Variants in ZNF469 observed in about 807,000 individuals in gnomAD.
ZNF469 encodes the protein zinc finger protein 469.
In ZNF469, 1 loss-of-function variant was observed where a neutral mutation model predicts 1.0. That is an observed-to-expected ratio of 1.00 (90% CI 0.35 to 4.73). The LOEUF (loss-of-function observed/expected upper bound fraction) is 4.73, where lower values mean the gene tolerates loss of function less well. Among genes scored for constraint, ZNF469 ranks in the 30% most tolerant of loss-of-function variants. ZNF469 has a pLI of 0.16. For synonymous variants in ZNF469, 2,703 were observed against 2,363.4 expected (o/e 1.14, Z -4.17); for missense variants, 6,100 against 5,356.3 (o/e 1.14, Z -4.33).
chr16:88,279,235 G>T, the ZNF469 span, among the ~76,000 whole-genome samples: 2 of 123,400 alleles, frequency 1.6e-5, no homozygotes, highest in African/African-American at 6.3e-5. Context: ...ATCACTGCAC[G>T]GTTAGTGCTG....
Position 88,434,201 on chromosome 16 carries a change from C to T in ZNF469, c.6731C>T (p.Thr2244Ile). 1 of 1,550,372 alleles carries T rather than the reference C, an allele frequency of 6.5e-7. No homozygotes were observed. Among genetic ancestry groups the T allele is most frequent in the Non-Finnish European group, 8.7e-7 (1 of 1,146,978 alleles). ...GTAACCTGCACTCACAGTGGGGACACCCCCAAAGACAGCACTTTAAGAATT... is the reference window on the plus strand; with the variant it reads ...GTAACCTGCACTCACAGTGGGGACATCCCCAAAGACAGCACTTTAAGAATT... The part of the protein sequence containing the change: ...SAVTCTHSGD[T>I]PKDSTLRIPE... Residue 2244 changes from threonine (T) to isoleucine (I), a missense_variant, in exon 3 of 3, where the codon ACC becomes ATC. Thr to Ile is a moderately conservative substitution (Grantham distance 89). Transcript: ENST00000565624.
chr16:88,280,665 C>G, the ZNF469 span, among the ~76,000 whole-genome samples: 1 of 151,716 alleles, frequency 6.6e-6, no homozygotes, highest in Admixed American at 6.6e-5. Context: ...TTGTGCCACA[C>G]TCAAACTTGG....
At chr16:88,221,891 C>T in the ZNF469 span, among the ~76,000 whole-genome samples, 1 of 152,174 alleles carries the variant, frequency 6.6e-6, no homozygotes, top group East Asian at 1.9e-4. Context: ...TCTAAGAACA[C>T]TTGTCATTGA....
chr16:88,170,851 C>T, the ZNF469 span, among the ~76,000 whole-genome samples: 6 of 152,240 alleles, frequency 3.9e-5, no homozygotes, highest in East Asian at 1.9e-4. This position sits in a 1 kb window ranked among gnomAD's most constrained non-coding sequence, Gnocchi z 4.2. Context: ...CTTTCCTCCC[C>T]GGAAGCTAAC....
the ZNF469 span, among the ~76,000 whole-genome samples, chr16:88,341,221 G>T: frequency 6.6e-6 from 1 of 152,182 alleles, no homozygotes; most frequent in Admixed American, 6.5e-5. Flanking sequence ...CCAGGTCTTG[G>T]GGTGTCCCTG....
At chr16:88,331,638 CCAT>C in the ZNF469 span, among the ~76,000 whole-genome samples, 2 of 150,674 alleles carry the variant, frequency 1.3e-5, no homozygotes, top group African/African-American at 2.4e-5. Flanking sequence ...GTTACCACCG[CCAT>C]CATCATCACC....
At chr16:88,251,575 T>TTTTTTTTTTTTTTTG in the ZNF469 span, among the ~76,000 whole-genome samples, 1 of 112,650 alleles carries the variant, frequency 8.9e-6, no homozygotes, top group African/African-American at 3.4e-5. Context: ...TTTTTTTTTT[T>TTTTTTTTTTTTTTTG]TGAGATGGAG....
chr16:88,310,496 C>T, the ZNF469 span, among the ~76,000 whole-genome samples: 1 of 152,158 alleles, frequency 6.6e-6, no homozygotes, highest in African/African-American at 2.4e-5. Context: ...AGCTGCACTT[C>T]CCCCTTTGTT....
chr16:88,243,958 A>T, the ZNF469 span, among the ~76,000 whole-genome samples: 1 of 121,802 alleles, frequency 8.2e-6, no homozygotes, highest in Non-Finnish European at 1.7e-5. Context: ...ATATAAATGT[A>T]TGTGTGGATG....
At chr16:88,172,326 G>A in the ZNF469 span, among the ~76,000 whole-genome samples, 1 of 152,152 alleles carries the variant, frequency 6.6e-6, no homozygotes, top group Admixed American at 6.5e-5. Context: ...ACAGGGTGGG[G>A]GACGGTTTGT....
At chr16:88,422,219 G>A (rs1206303113) in intron 1 of ZNF469, among the ~76,000 whole-genome samples, 2 of 150,232 alleles carry the variant, frequency 1.3e-5, no homozygotes, top group East Asian at 2.0e-4. Flanking sequence ...TGGGTGAGTG[G>A]GTGGATAGAT....
At chr16:88,248,700 A>G in the ZNF469 span, among the ~76,000 whole-genome samples, 1 of 152,262 alleles carries the variant, frequency 6.6e-6, no homozygotes, top group African/African-American at 2.4e-5. Context: ...CTTTGGAGTT[A>G]GAAACCTTTG....
At chr16:88,136,819 G>T in the ZNF469 span, among the ~76,000 whole-genome samples, 1 of 152,250 alleles carries the variant, frequency 6.6e-6, no homozygotes. Flanking sequence ...GCCTGGGTGA[G>T]AGCTCAGGTC....
chr16:88,364,273 A>T, the ZNF469 span, among the ~76,000 whole-genome samples: 8 of 152,192 alleles, frequency 5.3e-5, no homozygotes, highest in Non-Finnish European at 8.8e-5. Flanking sequence ...AGGTGACTGC[A>T]TATGTACAGA....
At chr16:88,129,916 G>A in the ZNF469 span, among the ~76,000 whole-genome samples, 5 of 152,234 alleles carry the variant, frequency 3.3e-5, no homozygotes, top group African/African-American at 7.2e-5. Context: ...AAGCCCCTCC[G>A]AGGGAATCCT....
the ZNF469 span, among the ~76,000 whole-genome samples, chr16:88,161,149 A>G: frequency 7.5e-6 from 1 of 133,018 alleles, no homozygotes; most frequent in South Asian, 2.5e-4. Context: ...TGACGGAGCG[A>G]GACTCCATCT....
chr16:88,378,977 G>T (rs1054400722), upstream of ZNF469, among the ~76,000 whole-genome samples: 3 of 152,250 alleles, frequency 2.0e-5, no homozygotes, highest in African/African-American at 7.2e-5. Context: ...GTGCATGGTT[G>T]TCAGGATGGA....
intron 1 of ZNF469, among the ~76,000 whole-genome samples, chr16:88,387,522 C>T (rs961012293): frequency 1.3e-5 from 2 of 152,302 alleles, no homozygotes; most frequent in African/African-American, 2.4e-5. Flanking sequence ...CCAGCGACAA[C>T]GCTGGGGGCG....
chr16:88,424,297 T>A lies in ZNF469; in HGVS notation c.-191-510T>A, dbSNP rs997382910. ...GAAAAAAAGGTCAGGTGCAGAACAGTGAGCGTAGCCGACGATCTTCTGTTG... is the reference window on the plus strand; with the variant it reads ...GAAAAAAAGGTCAGGTGCAGAACAGAGAGCGTAGCCGACGATCTTCTGTTG... On this transcript the variant is annotated intron_variant, in intron 1 of 2. Transcript: ENST00000565624. This position sits in a 1 kb window ranked among gnomAD's most constrained non-coding sequence, Gnocchi z 4.3. Among the ~76,000 whole-genome samples, 1 of 152,132 alleles carries A rather than the reference T, an allele frequency of 6.6e-6. No individual in the cohort carries two copies. The highest frequency in any genetic ancestry group is 2.4e-5 in the African/African-American group (1 of 41,408).
Sources: gnomAD v4.1 joint callset for allele counts (sites outside exome capture counted in the v4.1 genomes callset) on GRCh38, gnomAD v4.1.1 for gene constraint, Gnocchi (gnomAD v3.1) non-coding constraint, MANE v1.5 for transcripts, NCBI Gene and HGNC (gene_info 2026-07-23, HGNC 2026-07-21) for gene names.